NID2: variants seen among roughly 807,000 people sequenced by gnomAD.
NID2 encodes nidogen 2.
A neutral mutation model predicts 145.4 loss-of-function variants in NID2; 83 were observed. The ratio of observed to expected loss-of-function variants is 0.57; its 90% CI spans 0.48 to 0.69. The LOEUF (loss-of-function observed/expected upper bound fraction) is 0.69. Among genes scored for constraint, NID2 ranks in the 30% least tolerant of loss-of-function variants. The pLI is 0.00. For missense variants in NID2, 1,807 were observed against 1,765.7 expected (o/e 1.02, Z -0.42); for synonymous variants, 739 against 701.3 (o/e 1.05, Z -0.85).
intron 5 of NID2, among the ~76,000 whole-genome samples, chr14:52,043,140 C>T (rs10137158): frequency 0.31 from 46,977 of 152,002 alleles, 7,831 homozygotes; most frequent in East Asian, 0.53. Context: ...CGGCTGGGTC[C>T]CATTGCAGAG....
chr14:52,054,442 T>G, intron 3 of NID2, 121 bp from the exon 4 acceptor site: 2 of 1,019,510 alleles, frequency 2.0e-6, no homozygotes, highest in Non-Finnish European at 2.8e-6. Flanking sequence ...TGGCTCACAC[T>G]TATAATCCCA....
intron 16 of NID2, 58 bp from the exon 17 acceptor site, chr14:52,011,741 AC>A (rs1245151884): frequency 3.7e-6 from 6 of 1,601,808 alleles, no homozygotes; most frequent in Non-Finnish European, 5.1e-6. Flanking sequence ...CTTTGTTCAC[AC>A]TCAGCTGCCT....
At chr14:52,033,058 C>T (rs1891926066) in intron 9 of NID2, among the ~76,000 whole-genome samples, 1 of 152,164 alleles carries the variant, frequency 6.6e-6, no homozygotes, top group African/African-American at 2.4e-5. Context: ...CTTGGCTTCC[C>T]AAAACATTTT....
intron 16 of NID2, 126 bp downstream of exon 16, chr14:52,014,161 G>T: frequency 8.1e-7 from 1 of 1,234,090 alleles, no homozygotes; most frequent in Admixed American, 1.8e-5. Context: ...CATGCCGATG[G>T]GCTGCAGCTC....
chr14:52,012,040 A>AC (rs1258124095), intron 16 of NID2: 3 of 140,274 alleles, frequency 2.1e-5, no homozygotes, highest in African/African-American at 5.7e-5. Context: ...ATGACTGATG[A>AC]TTTAAAAAAA....
chr14:52,026,407 C>T (rs937708418), intron 12 of NID2, among the ~76,000 whole-genome samples: 18 of 152,200 alleles, frequency 1.2e-4, no homozygotes, highest in Non-Finnish European at 2.2e-4. Context: ...ATTCTAAACA[C>T]GTTTCCCACC....
chr14:52,016,985 C>G lies in NID2; in HGVS notation c.3029-1710G>C, dbSNP rs77995593. On this transcript the variant is annotated intron_variant, in intron 14 of 21. Transcript: ENST00000216286. ...ACTGTAGCTCATGACCCATGGGAGA[C>G]AAAGCTCTTTTTAAGACCCCGTGGA... Among the ~76,000 whole-genome samples, 10 of 152,284 alleles carry G rather than the reference C, an allele frequency of 6.6e-5. No individual in the cohort carries two copies. The East Asian group carries it at 1.9e-3, about 29-fold the overall frequency.
intron 14 of NID2, among the ~76,000 whole-genome samples, chr14:52,017,369 T>C (rs1891245559): frequency 6.6e-6 from 1 of 152,136 alleles, no homozygotes. Context: ...CAGAGCGTCC[T>C]TACCCTCCCT....
intron 16 of NID2, 94 bp downstream of exon 16, chr14:52,014,193 T>C (rs750507262): frequency 6.5e-7 from 1 of 1,528,274 alleles, no homozygotes; most frequent in Non-Finnish European, 9.1e-7. Flanking sequence ...AGGACTTCCC[T>C]GCACCAGTCC....
chr14:52,060,647 C>G (rs1566775759), intron 2 of NID2, among the ~76,000 whole-genome samples: 1 of 152,262 alleles, frequency 6.6e-6, no homozygotes, highest in African/African-American at 2.4e-5. Context: ...AAAATATATA[C>G]TTTGTAAGGT....
At chr14:52,053,305 A>G (rs1275828993) in intron 5 of NID2, among the ~76,000 whole-genome samples, 1 of 152,256 alleles carries the variant, frequency 6.6e-6, no homozygotes, top group Non-Finnish European at 1.5e-5. Context: ...CGTAGCTGGC[A>G]TAACAAACCC....
At chr14:52,058,738 A>T (rs914771798) in intron 3 of NID2, among the ~76,000 whole-genome samples, 1 of 152,136 alleles carries the variant, frequency 6.6e-6, no homozygotes, top group Non-Finnish European at 1.5e-5. Flanking sequence ...TTTGTCTATC[A>T]ACCCTAATAG....
In NID2 at chr14:52,005,479, A is replaced by ACTGTACTTACTTTC; in HGVS notation, c.4121_*6dup. The ACTGTACTTACTTTC allele has an allele frequency of 6.3e-7, 1 of 1,595,118 alleles. No individual in the cohort carries two copies. The highest frequency in any genetic ancestry group is 1.1e-5 in the South Asian group (1 of 87,272). On this transcript the variant is annotated 3_prime_UTR_variant, in exon 22 of 22. Coordinates refer to ENST00000216286, the MANE Select transcript of NID2 (RefSeq NM_007361.4). ...TAAACTCCAAGTCTTCCTTTACATT[A>ACTGTACTTACTTTC]CTGTACTTACTTTCTTCCTGTGAGA...
intron 14 of NID2, among the ~76,000 whole-genome samples, chr14:52,016,520 T>C (rs1228080306): frequency 1.3e-5 from 2 of 152,142 alleles, no homozygotes; most frequent in Non-Finnish European, 2.9e-5. Context: ...TCTCTCACCA[T>C]CCACATTTGA....
chr14:52,038,721 CCCAA>C, intron 9 of NID2, 22 bp downstream of exon 9: 1 of 1,511,160 alleles, frequency 6.6e-7, no homozygotes. Flanking sequence ...GTCATTTTTA[CCCAA>C]CAACAAAAAA....
At chr14:52,014,962 C>T in intron 15 of NID2, 92 bp downstream of exon 15, 1 of 1,028,972 alleles carries the variant, frequency 9.7e-7, no homozygotes, top group Non-Finnish European at 1.5e-6. Context: ...ACCTGGTGAC[C>T]CCACATGTCC....
chr14:52,030,502 AG>A (rs1304551666), intron 9 of NID2, among the ~76,000 whole-genome samples: 11 of 33,192 alleles, frequency 3.3e-4, no homozygotes, highest in South Asian at 8.8e-4. Flanking sequence ...AGAAAGAAAG[AG>A]AAAGAAAGAA....
intron 12 of NID2, among the ~76,000 whole-genome samples, chr14:52,024,553 C>A (rs1474322817): frequency 6.6e-6 from 1 of 152,194 alleles, no homozygotes; most frequent in Non-Finnish European, 1.5e-5. Context: ...TCCTAAAGCA[C>A]AGGACCCAGC....
intron 2 of NID2, among the ~76,000 whole-genome samples, chr14:52,065,058 A>C (rs1688986069): frequency 6.6e-6 from 1 of 151,926 alleles, no homozygotes; most frequent in Admixed American, 6.6e-5. Context: ...GAAATCTCAG[A>C]TTAACTGAAT....
Sources: allele counts gnomAD v4.1 joint callset (sites outside exome capture counted in the v4.1 genomes callset), GRCh38; gene constraint gnomAD v4.1.1; transcripts MANE v1.5; gene names NCBI Gene and HGNC (gene_info 2026-07-23, HGNC 2026-07-21).